The following SNTG1 variants were observed in gnomAD, a reference collection of about 807,000 sequenced individuals.
The protein encoded by SNTG1 is gamma-1-syntrophin.
Under a neutral mutation model 74.7 loss-of-function variants are expected in SNTG1, and 39 were observed. The ratio of observed to expected loss-of-function variants is 0.52; its 90% CI spans 0.40 to 0.68. The LOEUF (loss-of-function observed/expected upper bound fraction) is 0.68, where lower values mean the gene tolerates loss of function less well. Among genes scored for constraint, SNTG1 ranks in the 30% least tolerant of loss-of-function variants. The pLI is 0.00. For missense variants in SNTG1, 685 were observed against 609.5 expected (o/e 1.12, Z -1.30); for synonymous variants, 254 against 217.1 (o/e 1.17, Z -1.49).
At chr8:50,347,514 C>G (rs1486297893) in intron 2 of SNTG1, among the ~76,000 whole-genome samples, 1 of 152,172 alleles carries the variant, frequency 6.6e-6, no homozygotes, top group Non-Finnish European at 1.5e-5. Flanking sequence ...AGTATCTATT[C>G]CGCAGTCCAT....
At chr8:50,689,171 A>C (rs1045221557) in intron 15 of SNTG1, among the ~76,000 whole-genome samples, 1 of 151,856 alleles carries the variant, frequency 6.6e-6, no homozygotes, top group Admixed American at 6.6e-5. Context: ...GGGGTTTTCT[A>C]GATATACAAT....
At chr8:50,409,149 C>T (rs777661554) in intron 4 of SNTG1, among the ~76,000 whole-genome samples, 5 of 152,030 alleles carry the variant, frequency 3.3e-5, no homozygotes, top group East Asian at 3.9e-4. Context: ...CAGGAGGTGA[C>T]GCAGAGAAAA....
Position 50,593,804 on chromosome 8 carries a change from G to A in SNTG1, c.849+2887G>A, listed in dbSNP as rs144018883. Among the ~76,000 whole-genome samples, 623 of 149,684 alleles carry A rather than the reference G, an allele frequency of 4.2e-3. 4 individuals are homozygous for A. The highest frequency in any genetic ancestry group is 0.014 in the African/African-American group (559 of 40,494). On this transcript the variant is annotated intron_variant, in intron 13 of 18. Transcript: ENST00000642720. The stretch of plus-strand genomic sequence containing the variant: ...ACAATCTTGGCTCACTGCAACCTCC[G>A]CCTCCCTGGTTCGAGCGATTCTCCT...
chr8:50,091,591 C>T (rs999373690), intron 1 of SNTG1, among the ~76,000 whole-genome samples: 1 of 151,980 alleles, frequency 6.6e-6, no homozygotes, highest in Non-Finnish European at 1.5e-5. Context: ...CCAGGTTCAT[C>T]TGTGTTGTCT....
intron 10 of SNTG1, among the ~76,000 whole-genome samples, chr8:50,536,374 G>C (rs1251721156): frequency 6.6e-6 from 1 of 151,948 alleles, no homozygotes; most frequent in Non-Finnish European, 1.5e-5. Flanking sequence ...TTCCATTCTT[G>C]AATAAATTAT....
intron 13 of SNTG1, among the ~76,000 whole-genome samples, chr8:50,604,449 A>T (rs2094797782): frequency 6.6e-6 from 1 of 152,016 alleles, no homozygotes; most frequent in African/African-American, 2.4e-5. Flanking sequence ...AAAACCTTAG[A>T]AATATACCTG....
intron 2 of SNTG1, among the ~76,000 whole-genome samples, chr8:50,343,046 C>T (rs561209690): frequency 6.6e-6 from 1 of 152,232 alleles, no homozygotes; most frequent in Admixed American, 6.5e-5. Context: ...AACCAGAAAA[C>T]AAACAGAGAT....
intron 8 of SNTG1, among the ~76,000 whole-genome samples, chr8:50,470,345 G>A (rs967492036): frequency 3.3e-5 from 5 of 152,158 alleles, no homozygotes; most frequent in Non-Finnish European, 7.3e-5. Flanking sequence ...GTGGGTTCTT[G>A]GTCTCGCTGA....
intron 18 of SNTG1, among the ~76,000 whole-genome samples, chr8:50,780,933 C>G (rs1259261609): frequency 5.9e-5 from 9 of 152,126 alleles, no homozygotes; most frequent in Admixed American, 5.2e-4. Context: ...CAAAGAACAT[C>G]TTTATTTCTG....
At chr8:50,073,031 G>A (rs1485250812) in intron 1 of SNTG1, among the ~76,000 whole-genome samples, 1 of 152,248 alleles carries the variant, frequency 6.6e-6, no homozygotes, top group Non-Finnish European at 1.5e-5. Context: ...CTAAAGGCTG[G>A]GGTGGGTGGG....
chr8:50,416,439 T>A (rs1251394458), intron 4 of SNTG1, among the ~76,000 whole-genome samples: 1 of 151,670 alleles, frequency 6.6e-6, no homozygotes. Context: ...TGAGTGAGAA[T>A]TTAAGGCCTT....
At chr8:50,311,761 T>G (rs971800070) in intron 2 of SNTG1, among the ~76,000 whole-genome samples, 1 of 152,228 alleles carries the variant, frequency 6.6e-6, no homozygotes, top group Non-Finnish European at 1.5e-5. Context: ...ATCTTGAGAT[T>G]ATTCTCAAAA....
At position 50,385,641 on chromosome 8, in the gene SNTG1, G is replaced by C. The variant is rs574074180; in HGVS notation, c.-27-8571G>C. Among the ~76,000 whole-genome samples, 53 of 152,316 alleles carry C rather than the reference G, an allele frequency of 3.5e-4. No homozygotes were observed. In the South Asian group the frequency reaches 7.7e-3, roughly 22 times the overall value. On this transcript the variant is annotated intron_variant, in intron 2 of 18. Transcript: ENST00000642720. ...TGTGAGCTATTGACATAGGGCTGAA[G>C]ATTGATACATCTCTGAGGTAGGACA...
intron 15 of SNTG1, among the ~76,000 whole-genome samples, chr8:50,698,028 T>G (rs2095411041): frequency 6.6e-6 from 1 of 152,168 alleles, no homozygotes; most frequent in Non-Finnish European, 1.5e-5. Context: ...CCTTGTACAT[T>G]TGCTAGAATT....
chr8:49,934,279 A>AGATCTATC (rs1383713373), intron 1 of SNTG1, among the ~76,000 whole-genome samples: 70 of 131,654 alleles, frequency 5.3e-4, no homozygotes, highest in African/African-American at 1.9e-3. Context: ...TATACTATAT[A>AGATCTATC]GATCTATCTA....
At chr8:50,325,068 C>CA (rs60522116) in intron 2 of SNTG1, among the ~76,000 whole-genome samples, 120,687 of 147,568 alleles carry the variant, frequency 0.82, 51,721 homozygotes, top group East Asian at 1. Flanking sequence ...AATAGACCCA[C>CA]CAAATATATG....
At chr8:50,510,693 T>A (rs1290168541) in intron 9 of SNTG1, among the ~76,000 whole-genome samples, 1 of 152,198 alleles carries the variant, frequency 6.6e-6, no homozygotes, top group Admixed American at 6.5e-5. Context: ...GTTTTCTAGT[T>A]TTTTTGCGTA....
intron 10 of SNTG1, among the ~76,000 whole-genome samples, chr8:50,531,077 T>C (rs2130328199): frequency 6.6e-6 from 1 of 152,302 alleles, no homozygotes; most frequent in South Asian, 2.1e-4. Context: ...TCCTGCAATT[T>C]GAAATTTTTG....
chr8:50,309,178 T>C (rs1200695054), intron 2 of SNTG1, among the ~76,000 whole-genome samples: 5 of 152,172 alleles, frequency 3.3e-5, no homozygotes, highest in Non-Finnish European at 7.3e-5. Flanking sequence ...CACAAGCTTT[T>C]GGTTATTGTT....
Sources: allele counts gnomAD v4.1 joint callset (sites outside exome capture counted in the v4.1 genomes callset), GRCh38; gene constraint gnomAD v4.1.1; transcripts MANE v1.5; gene names NCBI Gene and HGNC (gene_info 2026-07-23, HGNC 2026-07-21).